The following MGLL variants were observed in gnomAD, a reference collection of about 807,000 sequenced individuals.
MGLL encodes lysophospholipase homolog.
MGLL carries 7 observed loss-of-function variants against 29.1 expected under a neutral mutation model. That is an observed-to-expected ratio of 0.24 (90% CI 0.14 to 0.45). The LOEUF is 0.45. Ranked by LOEUF, MGLL falls within the 20% of genes least tolerant of loss-of-function variation. MGLL has a pLI of 0.99. For missense variants in MGLL, 356 were observed against 413.6 expected, an observed-to-expected ratio of 0.86 and a Z score of 1.21; for synonymous variants, 148 against 168.3, an observed-to-expected ratio of 0.88 and a Z score of 0.93.
chr3:127,706,174 G>A (rs151203815), intron 6 of MGLL, among the ~76,000 whole-genome samples: 3 of 152,328 alleles, frequency 2.0e-5, no homozygotes, highest in African/African-American at 7.2e-5. Flanking sequence ...CACAACAGCT[G>A]AGAGGTGTCT....
At chr3:127,758,600 G>A (rs1559950448) in intron 3 of MGLL, among the ~76,000 whole-genome samples, 1 of 152,236 alleles carries the variant, frequency 6.6e-6, no homozygotes, top group African/African-American at 2.4e-5. Context: ...GTGTTCCGTT[G>A]TTAGTGCTGA....
chr3:127,790,419 C>A (rs901273960), intron 2 of MGLL, among the ~76,000 whole-genome samples: 9 of 152,122 alleles, frequency 5.9e-5, no homozygotes, highest in Admixed American at 4.6e-4. Flanking sequence ...GCACACATGC[C>A]AAGCTTGGAG....
chr3:127,774,212 C>T (rs1322138597), intron 3 of MGLL, among the ~76,000 whole-genome samples: 4 of 152,204 alleles, frequency 2.6e-5, no homozygotes, highest in Admixed American at 6.5e-5. Flanking sequence ...CCCCTGCCCC[C>T]GGGCCTTTGC....
intron 3 of MGLL, among the ~76,000 whole-genome samples, chr3:127,733,100 C>A (rs1472018055): frequency 1.3e-5 from 2 of 152,150 alleles, no homozygotes; most frequent in African/African-American, 4.8e-5. Flanking sequence ...AAGATACAGG[C>A]CATAAAGACC....
At chr3:127,790,774 C>G (rs1014489735) in intron 2 of MGLL, among the ~76,000 whole-genome samples, 2 of 152,108 alleles carry the variant, frequency 1.3e-5, no homozygotes, top group African/African-American at 4.8e-5. Context: ...GCCTCCCCCA[C>G]ACCAGAATGC....
chr3:127,725,156 C>T (rs1007570578), intron 3 of MGLL, among the ~76,000 whole-genome samples: 2 of 152,126 alleles, frequency 1.3e-5, no homozygotes, highest in African/African-American at 4.8e-5. Flanking sequence ...CATCCTCTTC[C>T]GAGATCTTGG....
At chr3:127,741,364 C>G (rs2076337004) in intron 3 of MGLL, among the ~76,000 whole-genome samples, 1 of 152,184 alleles carries the variant, frequency 6.6e-6, no homozygotes, top group Non-Finnish European at 1.5e-5. Context: ...GTGGGGTGGC[C>G]CTGAGTGTGG....
At chr3:127,747,467 G>A (rs1299839759) in intron 3 of MGLL, among the ~76,000 whole-genome samples, 3 of 152,194 alleles carry the variant, frequency 2.0e-5, no homozygotes, top group African/African-American at 7.2e-5. Context: ...GGGGCAGGGT[G>A]CCTTGTGGTG....
At chr3:127,737,308 G>C (rs2076258528) in intron 3 of MGLL, among the ~76,000 whole-genome samples, 1 of 151,666 alleles carries the variant, frequency 6.6e-6, no homozygotes, top group African/African-American at 2.4e-5. Context: ...GTAAGGTGGA[G>C]GTCACCTCTG....
At chr3:127,759,516 G>T (rs573568442) in intron 3 of MGLL, among the ~76,000 whole-genome samples, 2 of 152,296 alleles carry the variant, frequency 1.3e-5, no homozygotes, top group South Asian at 4.1e-4. Context: ...GTGTTCACCT[G>T]CGGCCATTTA....
At chr3:127,740,489 C>T (rs983514282) in intron 3 of MGLL, among the ~76,000 whole-genome samples, 33 of 152,220 alleles carry the variant, frequency 2.2e-4, no homozygotes, top group African/African-American at 5.8e-4. Context: ...TGAGGACTGC[C>T]GGGACCCAGG....
chr3:127,714,004 G>T (rs967959930), intron 5 of MGLL: 4 of 151,744 alleles, frequency 2.6e-5, no homozygotes, highest in African/African-American at 9.7e-5. Flanking sequence ...CTATTCTGTC[G>T]TCTCACCCAG....
chr3:127,740,068 C>T (rs921317194), intron 3 of MGLL, among the ~76,000 whole-genome samples: 2 of 152,252 alleles, frequency 1.3e-5, no homozygotes, highest in Non-Finnish European at 2.9e-5. Flanking sequence ...CCAGGCCGCA[C>T]AGGAATGTGG....
At chr3:127,722,335 G>T in intron 4 of MGLL, 95 bp downstream of exon 4, 1 of 1,529,964 alleles carries the variant, frequency 6.5e-7, no homozygotes, top group Non-Finnish European at 9.0e-7. Flanking sequence ...GCCAGGCAGA[G>T]AGCAGTGGGG....
chr3:127,754,225 G>A (rs115955659), intron 3 of MGLL, among the ~76,000 whole-genome samples: 3,333 of 152,216 alleles, frequency 0.022, 69 homozygotes, highest in Admixed American at 0.061. Flanking sequence ...AGGCACTGCC[G>A]CCCACTCCCC....
At chr3:127,738,575 ACC>A (rs2076283811) in intron 3 of MGLL, among the ~76,000 whole-genome samples, 1 of 152,040 alleles carries the variant, frequency 6.6e-6, no homozygotes, top group African/African-American at 2.4e-5. Flanking sequence ...AGGCTGGAGC[ACC>A]CTGCAGCCTG....
chr3:127,695,723 G>A lies in MGLL; in HGVS notation c.601-533C>T, dbSNP rs539814332. 2.1e-3 allele frequency among the ~76,000 whole-genome samples: 317 copies of A among 152,106 alleles called. 1 individual carries two copies. Among genetic ancestry groups the A allele is most frequent in the African/African-American group, 7.1e-3 (296 of 41,484 alleles). On this transcript the variant is annotated intron_variant, in intron 6 of 7. Coordinates refer to ENST00000265052, the MANE Select transcript of MGLL (RefSeq NM_007283.7). ...GGCGCCACTGCACTCTAGCCTAGGC[G>A]ACAGAGCAAGACTCCGTCTCAAAAA...
intron 3 of MGLL, among the ~76,000 whole-genome samples, chr3:127,725,426 C>T (rs1220212299): frequency 6.6e-6 from 1 of 152,182 alleles, no homozygotes; most frequent in Non-Finnish European, 1.5e-5. Flanking sequence ...CCCATCCACC[C>T]GATTCCCTAT....
At chr3:127,714,562 T>C (rs1559916925) in intron 5 of MGLL, among the ~76,000 whole-genome samples, 1 of 152,194 alleles carries the variant, frequency 6.6e-6, no homozygotes, top group East Asian at 1.9e-4. Context: ...CGAATGTAGA[T>C]GGAGGAACAC....
Sources: gnomAD v4.1 joint callset for allele counts (sites outside exome capture counted in the v4.1 genomes callset) on GRCh38, gnomAD v4.1.1 for gene constraint, MANE v1.5 for transcripts, NCBI Gene and HGNC (gene_info 2026-07-23, HGNC 2026-07-21) for gene names.